Variants in IL1RAPL1 observed in about 807,000 individuals in gnomAD.
The protein encoded by IL1RAPL1 is interleukin-1 receptor accessory protein-like 1.
A neutral mutation model predicts 48.4 loss-of-function variants in IL1RAPL1; 3 were observed. That is an observed-to-expected ratio of 0.06 (90% CI 0.03 to 0.16). The LOEUF (loss-of-function observed/expected upper bound fraction) is 0.16. Ranked by LOEUF, IL1RAPL1 falls within the 10% of genes least tolerant of loss-of-function variation. The pLI, the probability that IL1RAPL1 is intolerant of heterozygous loss-of-function variation, is 1.00. For synonymous variants in IL1RAPL1, 185 were observed against 187.7 expected (o/e 0.99, Z 0.12); for missense variants, 349 against 530.6 (o/e 0.66, Z 3.36).
intron 5 of IL1RAPL1, among the ~76,000 whole-genome samples, chrX:29,566,684 T>TG (rs1209546978): frequency 8.9e-6 from 1 of 111,939 alleles, no homozygotes; most frequent in Admixed American, 9.5e-5. Context: ...AGTATGCACA[T>TG]GGGGGGAAAT....
chrX:28,934,840 A>G (rs1281674933), intron 2 of IL1RAPL1, among the ~76,000 whole-genome samples: 1 of 111,837 alleles, frequency 8.9e-6, no homozygotes, highest in Non-Finnish European at 1.9e-5. Flanking sequence ...GCTACTATGA[A>G]CATCATTTAC....
chrX:28,639,675 A>G (rs1177524496), intron 1 of IL1RAPL1, among the ~76,000 whole-genome samples: 1 of 111,903 alleles, frequency 8.9e-6, no homozygotes. Context: ...TCAAAGAAGC[A>G]GAATAAAAAA....
chrX:29,085,190 T>C (rs1170598387), intron 2 of IL1RAPL1, among the ~76,000 whole-genome samples: 1 of 111,653 alleles, frequency 9.0e-6, no homozygotes, highest in African/African-American at 3.3e-5. Context: ...TAATATTATA[T>C]TCTAGAGAAT....
intron 2 of IL1RAPL1, among the ~76,000 whole-genome samples, chrX:28,806,139 T>A (rs1047180996): frequency 8.9e-6 from 1 of 112,069 alleles, no homozygotes; most frequent in African/African-American, 3.2e-5. Context: ...ATGAATAATT[T>A]TAACTTACAT....
rs946460752 is a variant in IL1RAPL1, at chrX:29,668,626, A to G, written c.778+122A>G. ...ATCCATTTGTATTCATAGGGAACAG[A>G]ATTAGAAAATGCTAGCATACCTAGC... On this transcript the variant is annotated intron_variant, in intron 6 of 10. Coordinates refer to ENST00000378993, the MANE Select transcript of IL1RAPL1 (RefSeq NM_014271.4). 1.1e-5 allele frequency: 6 copies of G among 568,032 alleles called. No homozygotes were observed. In the African/African-American group the frequency reaches 1.4e-4, roughly 13 times the overall value. 46.8% of individuals were successfully genotyped at this position (568,032 alleles called of 1,213,427 possible). A position where few individuals can be genotyped will look rare whatever the true frequency, so the allele number is the denominator to read the frequency against.
At chrX:28,715,828 C>G (rs906789720) in intron 1 of IL1RAPL1, among the ~76,000 whole-genome samples, 1 of 111,542 alleles carries the variant, frequency 9.0e-6, no homozygotes, top group African/African-American at 3.3e-5. Flanking sequence ...CTAACTCATT[C>G]TATGAGACCA....
At chrX:29,911,740 A>AT (rs906349772) in intron 6 of IL1RAPL1, among the ~76,000 whole-genome samples, 3 of 112,155 alleles carry the variant, frequency 2.7e-5, no homozygotes, top group African/African-American at 9.7e-5. Flanking sequence ...TATGGCAGCT[A>AT]TAGACACGAC....
intron 1 of IL1RAPL1, among the ~76,000 whole-genome samples, chrX:28,678,822 T>C (rs1935027513): frequency 8.9e-6 from 1 of 112,336 alleles, no homozygotes; most frequent in Admixed American, 9.4e-5. Flanking sequence ...TAACATACAA[T>C]TGACCATTTA....
intron 3 of IL1RAPL1, among the ~76,000 whole-genome samples, chrX:29,344,928 G>A (rs972479810): frequency 1.8e-5 from 2 of 112,797 alleles, no homozygotes. Context: ...GAGCCACCAC[G>A]CCTGGCCAAC....
intron 3 of IL1RAPL1, among the ~76,000 whole-genome samples, chrX:29,307,167 C>T (rs778819996): frequency 1.1e-4 from 12 of 111,484 alleles, no homozygotes; most frequent in African/African-American, 3.9e-4. Flanking sequence ...ATCCTAACCT[C>T]TTTGTCTGGT....
chrX:28,749,700 G>T (rs1254921343), intron 1 of IL1RAPL1, among the ~76,000 whole-genome samples: 1 of 110,697 alleles, frequency 9.0e-6, no homozygotes, highest in Non-Finnish European at 1.9e-5. Flanking sequence ...CATTTTGTAG[G>T]TTGTCTCTTC....
At chrX:29,452,746 G>A (rs1306305901) in intron 5 of IL1RAPL1, among the ~76,000 whole-genome samples, 1 of 110,191 alleles carries the variant, frequency 9.1e-6, no homozygotes, top group Non-Finnish European at 1.9e-5. Flanking sequence ...TTACATTGCC[G>A]ATTGCCAGCA....
At chrX:29,671,058 C>T (rs886673210) in intron 6 of IL1RAPL1, among the ~76,000 whole-genome samples, 26 of 112,115 alleles carry the variant, frequency 2.3e-4, no homozygotes, top group African/African-American at 7.8e-4. Context: ...TGTCTGGTGA[C>T]CTAACTTGAG....
chrX:29,488,210 C>T (rs758074900), intron 5 of IL1RAPL1, among the ~76,000 whole-genome samples: 4 of 112,105 alleles, frequency 3.6e-5, no homozygotes, highest in East Asian at 2.8e-4. Context: ...GAGGCTGAGG[C>T]GGGCGGATCA....
chrX:28,958,073 A>G (rs1474796604), intron 2 of IL1RAPL1, among the ~76,000 whole-genome samples: 1 of 111,786 alleles, frequency 8.9e-6, no homozygotes, highest in Non-Finnish European at 1.9e-5. Context: ...TGAATGGCCA[A>G]TGGAGCCAGT....
At chrX:29,422,407 C>T (rs2099226287) in intron 5 of IL1RAPL1, among the ~76,000 whole-genome samples, 1 of 111,115 alleles carries the variant, frequency 9.0e-6, no homozygotes, top group African/African-American at 3.3e-5. Flanking sequence ...TTTGGGGTAT[C>T]GGTTTTTGAA....
At chrX:28,708,449 T>A (rs1935400889) in intron 1 of IL1RAPL1, among the ~76,000 whole-genome samples, 1 of 111,455 alleles carries the variant, frequency 9.0e-6, no homozygotes, top group Non-Finnish European at 1.9e-5. Flanking sequence ...GATTACCATT[T>A]GATCCAGCTG....
chrX:29,203,724 T>TATAG (rs1264459789), intron 2 of IL1RAPL1, among the ~76,000 whole-genome samples: 9 of 1,846 alleles, frequency 4.9e-3, no homozygotes, highest in African/African-American at 8.8e-3. Context: ...CGTCTCAAAA[T>TATAG]ATATATATAT....
intron 2 of IL1RAPL1, among the ~76,000 whole-genome samples, chrX:29,015,104 G>A (rs965847770): frequency 9.0e-6 from 1 of 110,962 alleles, no homozygotes; most frequent in Non-Finnish European, 1.9e-5. Context: ...TGCTTGACCT[G>A]TTCACAATGA....
Sources: gnomAD v4.1 joint callset for allele counts (sites outside exome capture counted in the v4.1 genomes callset) on GRCh38, gnomAD v4.1.1 for gene constraint, MANE v1.5 for transcripts, NCBI Gene and HGNC (gene_info 2026-07-23, HGNC 2026-07-21) for gene names.